The following SMYD3 variants were observed in gnomAD, a reference collection of about 807,000 sequenced individuals.
SMYD3 encodes the protein SET and MYND domain containing 3, also known as histone-lysine N-methyltransferase SMYD3.
Under a neutral mutation model 57.7 loss-of-function variants are expected in SMYD3, and 36 were observed. That is an observed-to-expected ratio of 0.62 (90% CI 0.48 to 0.82). The LOEUF is 0.82. SMYD3 is among the 40% of genes least tolerant of loss of function. The pLI, the probability that SMYD3 is intolerant of heterozygous loss-of-function variation, is 0.00. For missense variants in SMYD3, 515 were observed against 538.8 expected (o/e 0.96, Z 0.44); for synonymous variants, 211 against 195.0 (o/e 1.08, Z -0.68).
At chr1:245,915,421 C>T (rs2055333755) in intron 8 of SMYD3, 109 bp downstream of exon 8, 3 of 655,100 alleles carry the variant, frequency 4.6e-6, no homozygotes, top group Non-Finnish European at 2.7e-6. Context: ...TGTTTCCTAC[C>T]ATGTACTGAG....
intron 2 of SMYD3, among the ~76,000 whole-genome samples, chr1:246,350,922 C>A (rs1249069127): frequency 6.6e-6 from 1 of 152,192 alleles, no homozygotes; most frequent in East Asian, 1.9e-4. Flanking sequence ...CAGTTAGATA[C>A]AAAGCTGACT....
At position 245,778,931 on chromosome 1, in the gene SMYD3, G is replaced by A. The variant is rs75992475; in HGVS notation, c.1077-14782C>T. ...TCCCAGCACTTTGGGAGGCCGAGGCGGGTCGATCACTTGAGGCCAGGAGTT... is the reference window on the plus strand; with the variant it reads ...TCCCAGCACTTTGGGAGGCCGAGGCAGGTCGATCACTTGAGGCCAGGAGTT... On this transcript the variant is annotated intron_variant, in intron 10 of 11. Transcript: ENST00000490107. Among the ~76,000 whole-genome samples, 12 of 152,234 alleles carry A rather than the reference G, an allele frequency of 7.9e-5. No homozygotes were observed. In the South Asian group the frequency reaches 1.5e-3, roughly 18 times the overall value.
intron 5 of SMYD3, among the ~76,000 whole-genome samples, chr1:246,127,669 G>A (rs1397565871): frequency 1.3e-5 from 2 of 152,100 alleles, no homozygotes; most frequent in East Asian, 3.9e-4. Flanking sequence ...GCTGAGGCGG[G>A]TGGATCACCT....
chr1:246,330,836 G>A (rs753606796), intron 3 of SMYD3, among the ~76,000 whole-genome samples: 3 of 152,128 alleles, frequency 2.0e-5, no homozygotes, highest in Non-Finnish European at 4.4e-5. Context: ...AAAAGAGTCA[G>A]TAAACAATAG....
chr1:245,771,740 T>C (rs766043725), intron 10 of SMYD3, among the ~76,000 whole-genome samples: 3 of 152,218 alleles, frequency 2.0e-5, no homozygotes, highest in South Asian at 2.1e-4. Flanking sequence ...CCTTAGGCTC[T>C]GTTTAATTTA....
chr1:245,911,510 T>TAC (rs998285433), intron 8 of SMYD3, among the ~76,000 whole-genome samples: 28 of 150,554 alleles, frequency 1.9e-4, no homozygotes, highest in African/African-American at 4.4e-4. Context: ...TATATATATA[T>TAC]ACACACACAT....
At chr1:246,017,624 T>C (rs2059400212) in intron 5 of SMYD3, among the ~76,000 whole-genome samples, 1 of 152,222 alleles carries the variant, frequency 6.6e-6, no homozygotes, top group Admixed American at 6.5e-5. Context: ...GTACATAACT[T>C]CAATCAGTCT....
intron 5 of SMYD3, among the ~76,000 whole-genome samples, chr1:246,193,879 C>T (rs2062784632): frequency 6.6e-6 from 1 of 152,204 alleles, no homozygotes; most frequent in Admixed American, 6.5e-5. Context: ...TTTGTGTCCC[C>T]TTTCAAGCTT....
chr1:245,940,745 A>G (rs1212720084), intron 5 of SMYD3, among the ~76,000 whole-genome samples: 1 of 152,224 alleles, frequency 6.6e-6, no homozygotes, highest in Non-Finnish European at 1.5e-5. Flanking sequence ...TCAAAAAGCC[A>G]TAGTGCCTCT....
chr1:245,801,270 T>C (rs561545330), intron 10 of SMYD3, among the ~76,000 whole-genome samples: 2 of 152,336 alleles, frequency 1.3e-5, no homozygotes, highest in African/African-American at 2.4e-5. Context: ...TCAAAAACAA[T>C]AATAGTGTCA....
intron 5 of SMYD3, chr1:245,953,268 A>C (rs1014930579): frequency 1.0e-6 from 1 of 1,000,164 alleles, no homozygotes. Flanking sequence ...AATTTGCTAC[A>C]TTGGGAAACT....
At chr1:246,407,663 G>A (rs1049633038) in intron 1 of SMYD3, among the ~76,000 whole-genome samples, 2 of 152,012 alleles carry the variant, frequency 1.3e-5, no homozygotes, top group African/African-American at 4.8e-5. Context: ...CCAACATGGT[G>A]AAACCTCGTC....
chr1:246,215,157 G>C (rs1418935934), intron 5 of SMYD3, among the ~76,000 whole-genome samples: 2 of 152,216 alleles, frequency 1.3e-5, no homozygotes, highest in Middle Eastern at 3.4e-3. Context: ...AAGAGGATGT[G>C]AAACAGCAGC....
rs369914910 is a variant in SMYD3, at chr1:246,255,425, T to C, written c.531+71776A>G. ...TTGTGAAAAGCTTTCTCTGCATCCA[T>C]TGGGGATGATCATATGGTCTTTATT... is the stretch of plus-strand genomic sequence containing the variant. On this transcript the variant is annotated intron_variant, in intron 5 of 11. Transcript: ENST00000490107. 1.2e-3 allele frequency among the ~76,000 whole-genome samples: 175 copies of C among 151,966 alleles called. 1 individual carries two copies. Among genetic ancestry groups the C allele is most frequent in the African/African-American group, 3.9e-3 (161 of 41,478 alleles).
At chr1:245,920,150 A>G (rs1048591891) in intron 7 of SMYD3, among the ~76,000 whole-genome samples, 1 of 152,020 alleles carries the variant, frequency 6.6e-6, no homozygotes, top group African/African-American at 2.4e-5. Flanking sequence ...CGTCTCTACT[A>G]AAAATACAAA....
chr1:245,755,815 G>GAGTC (rs2045581143), intron 11 of SMYD3, among the ~76,000 whole-genome samples: 1 of 151,918 alleles, frequency 6.6e-6, no homozygotes, highest in Non-Finnish European at 1.5e-5. Flanking sequence ...ACATATGCTT[G>GAGTC]AGTCATTTGT....
At chr1:246,021,820 T>C (rs753716085) in intron 5 of SMYD3, among the ~76,000 whole-genome samples, 1 of 152,156 alleles carries the variant, frequency 6.6e-6, no homozygotes, top group African/African-American at 2.4e-5. Flanking sequence ...AATGGAAAGA[T>C]GGAAAAATGA....
chr1:246,039,678 T>C (rs973321539), intron 5 of SMYD3, among the ~76,000 whole-genome samples: 11 of 152,054 alleles, frequency 7.2e-5, no homozygotes, highest in African/African-American at 1.4e-4. Flanking sequence ...CTGGCGACAG[T>C]TTAGTTGAGC....
intron 1 of SMYD3, among the ~76,000 whole-genome samples, chr1:246,462,678 A>T (rs2067820417): frequency 6.6e-6 from 1 of 152,172 alleles, no homozygotes; most frequent in Non-Finnish European, 1.5e-5. Flanking sequence ...GGCTACACAA[A>T]CACACTAAGG....
Sources: allele counts gnomAD v4.1 joint callset (sites outside exome capture counted in the v4.1 genomes callset), GRCh38; gene constraint gnomAD v4.1.1; transcripts MANE v1.5; gene names NCBI Gene and HGNC (gene_info 2026-07-23, HGNC 2026-07-21).